Variants in PAPPA observed in about 807,000 individuals in gnomAD.
PAPPA encodes pappalysin 1.
In PAPPA, 60 loss-of-function variants were observed where a neutral mutation model predicts 164.0. The observed-to-expected ratio is 0.37, with a 90% CI of 0.30 to 0.45. The LOEUF is 0.45. Among genes scored for constraint, PAPPA ranks in the 20% least tolerant of loss-of-function variants. The pLI is 1.00. For missense variants in PAPPA, 1,782 were observed against 2,087.3 expected (o/e 0.85, Z 2.85); for synonymous variants, 875 against 814.1 (o/e 1.07, Z -1.27).
intron 4 of PAPPA, among the ~76,000 whole-genome samples, 196 bp from the exon 5 acceptor site, chr9:116,219,741 C>T (rs1434410824): frequency 6.6e-6 from 1 of 152,184 alleles, no homozygotes; most frequent in African/African-American, 2.4e-5. Context: ...TGTTTCCTCT[C>T]ACCTGTCTCC....
chr9:116,315,807 G>GGACT (rs1845781194), intron 10 of PAPPA, among the ~76,000 whole-genome samples: 1 of 152,074 alleles, frequency 6.6e-6, no homozygotes, highest in East Asian at 1.9e-4. Flanking sequence ...GAAAAAGGAA[G>GGACT]GACTACACAA....
At chr9:116,361,393 T>C (rs1190530288) in intron 17 of PAPPA, among the ~76,000 whole-genome samples, 1 of 152,192 alleles carries the variant, frequency 6.6e-6, no homozygotes, top group Non-Finnish European at 1.5e-5. Context: ...ACTACTTAAG[T>C]TGGCATTTAA....
At chr9:116,285,209 T>G (rs1459548183) in intron 9 of PAPPA, among the ~76,000 whole-genome samples, 1 of 147,298 alleles carries the variant, frequency 6.8e-6, no homozygotes, top group Admixed American at 6.8e-5. Flanking sequence ...CTCACTTTGT[T>G]GCCAGGCCAG....
intron 7 of PAPPA, among the ~76,000 whole-genome samples, chr9:116,241,865 T>C (rs541025476): frequency 1.3e-5 from 2 of 152,262 alleles, no homozygotes; most frequent in East Asian, 3.9e-4. Context: ...ACCACTTTCT[T>C]TCTTCCTTTT....
At chr9:116,328,372 G>C (rs188148008) in intron 10 of PAPPA, among the ~76,000 whole-genome samples, 29 of 152,282 alleles carry the variant, frequency 1.9e-4, no homozygotes, top group Non-Finnish European at 3.5e-4. Context: ...ACTTAAAAAC[G>C]TCTTCCAGCC....
At chr9:116,272,384 T>C (rs966067077) in intron 9 of PAPPA, among the ~76,000 whole-genome samples, 2 of 152,216 alleles carry the variant, frequency 1.3e-5, no homozygotes, top group African/African-American at 4.8e-5. Flanking sequence ...GGAAGATTTC[T>C]CACTGACAGG....
At chr9:116,217,762 A>G (rs1273052523) in intron 4 of PAPPA, among the ~76,000 whole-genome samples, 1 of 152,066 alleles carries the variant, frequency 6.6e-6, no homozygotes, top group Non-Finnish European at 1.5e-5. Flanking sequence ...CTGTGTTTTG[A>G]GATGAGCAAT....
intron 21 of PAPPA, among the ~76,000 whole-genome samples, chr9:116,395,073 G>A (rs1735133529): frequency 6.6e-6 from 1 of 152,174 alleles, no homozygotes; most frequent in Non-Finnish European, 1.5e-5. Context: ...GTGTTTTCAT[G>A]AGTTATTTCA....
intron 2 of PAPPA, among the ~76,000 whole-genome samples, chr9:116,206,328 G>A (rs1844235128): frequency 6.6e-6 from 1 of 152,134 alleles, no homozygotes; most frequent in African/African-American, 2.4e-5. Context: ...TGTGACATGG[G>A]CGGCCTTGAC....
intron 9 of PAPPA, among the ~76,000 whole-genome samples, chr9:116,276,003 GGCAGGCTTC>G (rs1845193007): frequency 6.6e-6 from 1 of 152,186 alleles, no homozygotes; most frequent in African/African-American, 2.4e-5. Flanking sequence ...TCTCAGGCAA[GGCAGGCTTC>G]ATCCCTTTGC....
intron 7 of PAPPA, among the ~76,000 whole-genome samples, chr9:116,241,739 T>C (rs1175271579): frequency 2.0e-5 from 3 of 152,176 alleles, no homozygotes; most frequent in Non-Finnish European, 4.4e-5. Context: ...AGTTATAACA[T>C]TGATATGTAA....
At chr9:116,276,750 G>A (rs568561192) in intron 9 of PAPPA, among the ~76,000 whole-genome samples, 2 of 151,954 alleles carry the variant, frequency 1.3e-5, no homozygotes, top group South Asian at 4.2e-4. Flanking sequence ...CCTGCCATTA[G>A]CATCACTCTG....
At chr9:116,193,649 C>T (rs73525818) in intron 2 of PAPPA, among the ~76,000 whole-genome samples, 8,810 of 152,204 alleles carry the variant, frequency 0.058, 706 homozygotes, top group African/African-American at 0.18. Flanking sequence ...GGAAAGGTTA[C>T]ATTTAGTATG....
At chr9:116,373,210 T>G in intron 19 of PAPPA, 1 of 152,192 alleles carries the variant, frequency 6.6e-6, no homozygotes, top group East Asian at 1.9e-4. Flanking sequence ...CAGAATCTAC[T>G]GATTTTTTTC....
At chr9:116,263,496 G>A (rs1021041817) in intron 7 of PAPPA, among the ~76,000 whole-genome samples, 14 of 152,108 alleles carry the variant, frequency 9.2e-5, no homozygotes, top group African/African-American at 3.1e-4. Context: ...TTCTAGTAAG[G>A]GGACCATAGC....
chr9:116,248,411 C>T (rs1258794941), intron 7 of PAPPA, among the ~76,000 whole-genome samples: 1 of 152,158 alleles, frequency 6.6e-6, no homozygotes, highest in African/African-American at 2.4e-5. Flanking sequence ...AAATTCTGTT[C>T]AGATTATCCT....
At chr9:116,267,790 G>A (rs2118817796) in intron 8 of PAPPA, among the ~76,000 whole-genome samples, 1 of 150,300 alleles carries the variant, frequency 6.7e-6, no homozygotes, top group South Asian at 2.1e-4. Context: ...CAGAAGAATG[G>A]CGTGAACCCG....
chr9:116,293,360 T>C (rs990693087), intron 9 of PAPPA, among the ~76,000 whole-genome samples: 1 of 152,314 alleles, frequency 6.6e-6, no homozygotes, highest in Middle Eastern at 3.4e-3. Context: ...GGGAGACTAA[T>C]GATGTAGGAA....
chr9:116,344,834 C>A, intron 14 of PAPPA, 123 bp downstream of exon 14: 1 of 724,188 alleles, frequency 1.4e-6, no homozygotes, highest in Non-Finnish European at 2.2e-6. Flanking sequence ...AGTAGGTGCT[C>A]AATAAATATT....
Sources: allele counts gnomAD v4.1 joint callset (sites outside exome capture counted in the v4.1 genomes callset), GRCh38; gene constraint gnomAD v4.1.1; transcripts MANE v1.5; gene names NCBI Gene and HGNC (gene_info 2026-07-23, HGNC 2026-07-21).